RHOU: variants seen among roughly 807,000 people sequenced by gnomAD.
RHOU encodes ras homolog family member U.
RHOU carries 8 observed loss-of-function variants against 12.6 expected under a neutral mutation model. The observed-to-expected ratio is 0.64, with a 90% confidence interval of 0.37 to 1.15. The LOEUF (loss-of-function observed/expected upper bound fraction) is 1.15, where lower values mean the gene tolerates loss of function less well. Ranked by LOEUF, RHOU falls within the 50% of genes most tolerant of loss-of-function variation. The probability of loss-of-function intolerance (pLI) is 0.01; values close to 1 mark genes in which losing one functional copy is unlikely to be tolerated. For missense variants in RHOU, 258 were observed against 347.0 expected, an observed-to-expected ratio of 0.74 and a Z score of 2.04; for synonymous variants, 161 against 147.4, an observed-to-expected ratio of 1.09 and a Z score of -0.67.
At chr1:228,728,826 T>C in the RHOU span, among the ~76,000 whole-genome samples, 1 of 152,036 alleles carries the variant, frequency 6.6e-6, no homozygotes, top group Non-Finnish European at 1.5e-5. Context: ...CCCCTTTCCT[T>C]CCTGAATGTA....
chr1:228,720,152 AC>A, the RHOU span, among the ~76,000 whole-genome samples: 1 of 152,042 alleles, frequency 6.6e-6, no homozygotes, highest in Non-Finnish European at 1.5e-5. Context: ...ACATAGCGAG[AC>A]CCCGTCTCTA....
At chr1:228,714,673 G>A in the RHOU span, among the ~76,000 whole-genome samples, 1 of 143,360 alleles carries the variant, frequency 7.0e-6, no homozygotes, top group African/African-American at 2.6e-5. Flanking sequence ...TTCTTATTTT[G>A]TATTTTTGAA....
the RHOU span, among the ~76,000 whole-genome samples, chr1:228,666,065 C>A: frequency 4.3e-4 from 66 of 152,002 alleles, no homozygotes; most frequent in Admixed American, 3.3e-3. Flanking sequence ...TCAAGTGATC[C>A]CCCCACCTGA....
chr1:228,740,428 C>T (rs1662697762), intron 2 of RHOU, among the ~76,000 whole-genome samples: 1 of 152,060 alleles, frequency 6.6e-6, no homozygotes, highest in African/African-American at 2.4e-5. Context: ...GAAGAAGAAC[C>T]ATCTTCAAAA....
the RHOU span, among the ~76,000 whole-genome samples, chr1:228,702,812 C>A: frequency 1.6e-3 from 243 of 152,296 alleles, 1 homozygote; most frequent in African/African-American, 5.8e-3. Context: ...CATATAGACA[C>A]AAGCAGGTCT....
the RHOU span, among the ~76,000 whole-genome samples, chr1:228,646,458 G>A: frequency 4.6e-5 from 3 of 64,974 alleles, no homozygotes; most frequent in East Asian, 8.2e-4. Context: ...GCTCCTGCGA[G>A]GCCCCCTCTT....
chr1:228,649,677 T>C, the RHOU span, among the ~76,000 whole-genome samples: 2 of 152,268 alleles, frequency 1.3e-5, no homozygotes, highest in East Asian at 3.8e-4. Flanking sequence ...ACATCCTAAA[T>C]TGTCTTTTCT....
chr1:228,707,132 A>ATATATATATG, the RHOU span, among the ~76,000 whole-genome samples: 57 of 120,376 alleles, frequency 4.7e-4, no homozygotes, highest in South Asian at 7.0e-4. Context: ...ATATACATAT[A>ATATATATATG]TATATATATA....
the RHOU span, among the ~76,000 whole-genome samples, chr1:228,648,315 T>G: frequency 6.6e-6 from 1 of 152,222 alleles, no homozygotes; most frequent in Non-Finnish European, 1.5e-5. Context: ...CAGAGGCCTT[T>G]TCCCCTGCCC....
the RHOU span, among the ~76,000 whole-genome samples, chr1:228,651,661 G>T: frequency 2.6e-5 from 4 of 152,162 alleles, no homozygotes; most frequent in African/African-American, 9.7e-5. Context: ...GCACCTCAAA[G>T]TTCGCCTTTT....
intron 2 of RHOU, among the ~76,000 whole-genome samples, chr1:228,742,750 G>A (rs1662750203): frequency 1.3e-5 from 2 of 152,230 alleles, no homozygotes; most frequent in Admixed American, 6.5e-5. Flanking sequence ...GGCAGAGCGT[G>A]TGCACAGTGC....
chr1:228,656,132 A>C, the RHOU span, among the ~76,000 whole-genome samples: 1 of 152,148 alleles, frequency 6.6e-6, no homozygotes, highest in African/African-American at 2.4e-5. Context: ...TTCCATATTC[A>C]CTTTGCAATG....
At chr1:228,717,585 C>T in the RHOU span, among the ~76,000 whole-genome samples, 6 of 152,214 alleles carry the variant, frequency 3.9e-5, no homozygotes, top group Non-Finnish European at 7.3e-5. Flanking sequence ...TCCAACTTAC[C>T]TCATCATTAC....
chr1:228,687,494 G>A, the RHOU span: 1 of 1,580,752 alleles, frequency 6.3e-7, no homozygotes, highest in Non-Finnish European at 8.6e-7. Flanking sequence ...TGATGAAGCT[G>A]CAGAACCAAC....
chr1:228,731,570 C>A (rs1662496706), upstream of RHOU, among the ~76,000 whole-genome samples: 3 of 152,040 alleles, frequency 2.0e-5, no homozygotes, highest in African/African-American at 7.2e-5. Flanking sequence ...TTGAGGACTT[C>A]ATTAAGAAAA....
the RHOU span, among the ~76,000 whole-genome samples, chr1:228,646,805 C>A: frequency 0.17 from 25,608 of 150,926 alleles, 2,134 homozygotes; most frequent in Middle Eastern, 0.22. Flanking sequence ...CAGACGCACG[C>A]ACACACACAC....
At chr1:228,729,506 T>C in the RHOU span, among the ~76,000 whole-genome samples, 2 of 152,182 alleles carry the variant, frequency 1.3e-5, no homozygotes, top group Non-Finnish European at 2.9e-5. Context: ...CACATGTTCA[T>C]GTATAGAAAT....
At chr1:228,652,280 C>G in the RHOU span, among the ~76,000 whole-genome samples, 1 of 152,204 alleles carries the variant, frequency 6.6e-6, no homozygotes, top group African/African-American at 2.4e-5. Context: ...TGTTGTGTCT[C>G]TTGTGACAGT....
chr1:228,647,033 G>T, the RHOU span, among the ~76,000 whole-genome samples: 1 of 152,162 alleles, frequency 6.6e-6, no homozygotes, highest in African/African-American at 2.4e-5. Context: ...ACCCAGAAGA[G>T]TGAGGAGGAG....
Sources: allele counts gnomAD v4.1 joint callset (sites outside exome capture counted in the v4.1 genomes callset), GRCh38; gene constraint gnomAD v4.1.1; transcripts MANE v1.5; gene names NCBI Gene and HGNC (gene_info 2026-07-23, HGNC 2026-07-21).